Variants in ABCB9 observed in about 807,000 individuals in gnomAD.
ABCB9 encodes the protein ABC-type oligopeptide transporter ABCB9.
Under a neutral mutation model 62.0 loss-of-function variants are expected in ABCB9, and 36 were observed. The observed-to-expected ratio is 0.58, with a 90% CI of 0.45 to 0.77. The LOEUF (loss-of-function observed/expected upper bound fraction) is 0.77. Among genes scored for constraint, ABCB9 ranks in the 30% least tolerant of loss-of-function variants. The pLI is 0.00. For synonymous variants in ABCB9, 435 were observed against 461.4 expected (o/e 0.94, Z 0.73); for missense variants, 943 against 1,054.7 (o/e 0.89, Z 1.47).
At chr12:122,925,364 A>G (rs1218839486), downstream of ABCB9, among the ~76,000 whole-genome samples, 2 of 152,198 alleles carry the variant, frequency 1.3e-5, no homozygotes, top group Non-Finnish European at 2.9e-5. Flanking sequence ...GCAGTTCCTC[A>G]AAACGTTGAG....
Position 122,959,488 on chromosome 12 carries a change from G to T in ABCB9, c.601+147C>A. On this transcript the variant is annotated intron_variant, in intron 2 of 11. Transcript: ENST00000280560. This position sits in a 1 kb window ranked among gnomAD's most constrained non-coding sequence, Gnocchi z 5.4. ...AGCCTCCCAAAGTGCTGGGATTATA[G>T]ATATGAGCCACTATGCCTGGCCTCT... The T allele has an allele frequency of 7.5e-7, 1 of 1,342,058 alleles. No individual in the cohort carries two copies. The highest frequency in any genetic ancestry group is 1.0e-6 in the Non-Finnish European group (1 of 994,920). 83.1% of individuals were successfully genotyped at this position (1,342,058 alleles called of 1,614,324 possible).
In ABCB9 at chr12:122,959,794, C is replaced by A; in HGVS notation, c.442G>T (p.Glu148Ter). Residue 148 changes from glutamate to a stop codon, truncating the protein, a stop_gained, in exon 2 of 12, where the codon GAG becomes TAG. Transcript: ENST00000280560. LOFTEE classifies it high-confidence loss of function. This position sits in a 1 kb window ranked among gnomAD's most constrained non-coding sequence, Gnocchi z 5.4. ...TCAGCCTCGGTGGCCGCCCCTGGCT[C>A]CAGGGCCTGGGTGCCTGGCCGCACG... ...STVRPGTQAL[E>*]PGAATEAEGF... The A allele has an allele frequency of 1.2e-6, 2 of 1,612,146 alleles. No homozygotes were observed. The highest frequency in any genetic ancestry group is 1.7e-6 in the Non-Finnish European group (2 of 1,179,388).
In ABCB9 at chr12:122,957,028, G is replaced by C. The variant is rs547314293; in HGVS notation, c.601+2607C>G. 7.9e-5 allele frequency among the ~76,000 whole-genome samples: 12 copies of C among 151,336 alleles called. No homozygotes were observed. In the South Asian group the frequency reaches 2.3e-3, roughly 29 times the overall value. ...CATGACAAGCCAAGCTCTGTACTTA[G>C]TCCTTCTCCTATTTTTTTTTTTTTC... On this transcript the variant is annotated intron_variant, in intron 2 of 11. Transcript: ENST00000280560.
chr12:122,922,963 TTTC>T (rs149707768), intron 11 of ABCB9, among the ~76,000 whole-genome samples: 5,840 of 151,990 alleles, frequency 0.038, 353 homozygotes, highest in African/African-American at 0.13. Flanking sequence ...CTGGCTAATT[TTTC>T]TTCTTCTTTT....
intron 7 of ABCB9, among the ~76,000 whole-genome samples, chr12:122,942,731 G>A (rs1412304213): frequency 6.6e-6 from 1 of 152,054 alleles, no homozygotes; most frequent in African/African-American, 2.4e-5. Context: ...TTGAGTCCAG[G>A]AGGTCAAGGC....
Position 122,948,752 on chromosome 12 carries a change from G to A in ABCB9, c.925C>T (p.Arg309Trp), listed in dbSNP as rs1240549257. ...ACGCCCGTGACCTTGACTGTGTTCC[G>A]CAGGAAGACATTGATGTTCTGGGAG... Reference protein sequence around the residue: ...LVSQNINVFLRNTVKVTGVVV... With the variant: ...LVSQNINVFLWNTVKVTGVVV... Residue 309 changes from arginine (R) to tryptophan (W), a missense_variant, in exon 5 of 12, where the codon CGG (arginine) becomes TGG (tryptophan). Physicochemically the swap from Arg to Trp is moderately radical, Grantham distance 101. Coordinates refer to ENST00000280560, the MANE Select transcript of ABCB9 (RefSeq NM_019625.4). 5.6e-6 allele frequency: 9 copies of A among 1,612,316 alleles called. No individual in the cohort carries two copies. The highest frequency in any genetic ancestry group is 2.2e-5 in the South Asian group (2 of 90,982).
At position 122,940,672 on chromosome 12, in the gene ABCB9, C is replaced by CA; in HGVS notation, c.1569+134_1569+135insT. 8.9e-7 allele frequency: 1 copy of CA among 1,129,182 alleles called. No homozygotes were observed. 69.9% of individuals were successfully genotyped at this position (1,129,182 alleles called of 1,614,324 possible). On this transcript the variant is annotated intron_variant, in intron 8 of 11. Transcript: ENST00000280560. This position sits in a 1 kb window ranked among gnomAD's most constrained non-coding sequence, Gnocchi z 4.8. Reference sequence around the variant, plus strand: ...AAGTATCTGTCTTCCCCAACTGGAGCCCAAAACTCCTGGAGGGCAATGATC... The same window carrying CA: ...AAGTATCTGTCTTCCCCAACTGGAGCACCAAAACTCCTGGAGGGCAATGATC...
Position 122,940,328 on chromosome 12 carries a change from T to C in ABCB9, c.1570-44A>G. Reference sequence around the variant, plus strand: ...CACAGTGCGGGGTTATCGGCTCAGGTCCCAGGACTGGATGCCCTGACCTTG... The same window carrying C: ...CACAGTGCGGGGTTATCGGCTCAGGCCCCAGGACTGGATGCCCTGACCTTG... On this transcript the variant is annotated intron_variant, in intron 8 of 11. Transcript: ENST00000280560. The surrounding 1 kb of genome is among the most constrained non-coding windows in gnomAD (Gnocchi z 4.8). 6.6e-7 allele frequency: 1 copy of C among 1,519,006 alleles called. No individual in the cohort carries two copies. The highest frequency in any genetic ancestry group is 8.8e-7 in the Non-Finnish European group (1 of 1,131,434). 94.1% of individuals were successfully genotyped at this position (1,519,006 alleles called of 1,614,324 possible). A position where few individuals can be genotyped will look rare whatever the true frequency, so the allele number is the denominator to read the frequency against.
At chr12:122,924,756 G>T, downstream of ABCB9, 5 of 1,534,212 alleles carry the variant, frequency 3.3e-6, no homozygotes, top group Non-Finnish European at 4.4e-6. Context: ...CTGGCCAACT[G>T]TGCTGTTCCC....
Position 122,929,985 on chromosome 12 carries a change from G to A in ABCB9, c.2227C>T (p.Leu743=). The part of the protein sequence containing the change: ...LYAKLVQRQM[L]GLQPAADFTA... ...AAGTCTGCGGCGGGCTGAAGCCCCA[G>A]CATCTGCCGCTGCACCAGCTTGGCG... The change falls in exon 12 of 12, where the codon CTG becomes TTG. Residue 743 remains leucine (L), a synonymous_variant. Transcript: ENST00000280560. This position sits in a 1 kb window ranked among gnomAD's most constrained non-coding sequence, Gnocchi z 6.0. 6.3e-7 allele frequency: 1 copy of A among 1,576,732 alleles called. No homozygotes were observed.
chr12:122,962,457 C>T (rs890571448), intron 1 of ABCB9, among the ~76,000 whole-genome samples: 4 of 152,246 alleles, frequency 2.6e-5, no homozygotes, highest in Non-Finnish European at 4.4e-5. Context: ...CTCCCCGAAG[C>T]TCTGGCGCCC....
chr12:122,950,401 T>C (rs1566181426), intron 3 of ABCB9, 50 bp downstream of exon 3: 5 of 1,524,750 alleles, frequency 3.3e-6, no homozygotes, highest in Non-Finnish European at 4.5e-6. Context: ...CTTCCCTCCC[T>C]GGTGCAGGTC....
At chr12:122,921,128 T>A in intron 11 of ABCB9, 1 of 1,438,038 alleles carries the variant, frequency 7.0e-7, no homozygotes, top group Non-Finnish European at 9.4e-7. Context: ...CAATTTAAAA[T>A]GGTTGGCTGG....
intron 9 of ABCB9, among the ~76,000 whole-genome samples, chr12:122,937,671 C>A (rs1228769657): frequency 6.6e-6 from 1 of 152,224 alleles, no homozygotes; most frequent in Non-Finnish European, 1.5e-5. Flanking sequence ...TCACAACAAT[C>A]TACCTCTGGT....
chr12:122,924,835 T>G, downstream of ABCB9: 1 of 1,534,298 alleles, frequency 6.5e-7, no homozygotes, highest in Non-Finnish European at 8.7e-7. Context: ...AGGAGGACAG[T>G]GACATTTGCT....
upstream of ABCB9, chr12:122,966,512 AG>A (rs1273017800): frequency 1.6e-5 from 2 of 124,072 alleles, no homozygotes; most frequent in Non-Finnish European, 3.5e-5. Context: ...TCAGTGACGG[AG>A]GGGGCGGGGA....
chr12:122,973,609 A>AAAAAAAAAAC (rs762311490), intron 1 of ABCB9, among the ~76,000 whole-genome samples: 1 of 88,802 alleles, frequency 1.1e-5, no homozygotes, highest in Non-Finnish European at 2.3e-5. Flanking sequence ...AAAAAAAAAA[A>AAAAAAAAAAC]CAAAAACTTT....
At chr12:122,965,689 C>A (rs2037132343) in intron 1 of ABCB9, among the ~76,000 whole-genome samples, 1 of 151,906 alleles carries the variant, frequency 6.6e-6, no homozygotes, top group Admixed American at 6.5e-5. Flanking sequence ...GTCAGCCCAG[C>A]TTAAAGCTGT....
At chr12:122,945,972 A>G (rs948125244) in intron 6 of ABCB9, 53 bp downstream of exon 6, 17 of 1,585,774 alleles carry the variant, frequency 1.1e-5, no homozygotes, top group East Asian at 4.5e-5. Context: ...GGCTTCCCCC[A>G]TCTTTGCATC....
Sources: gnomAD v4.1 joint callset for allele counts (sites outside exome capture counted in the v4.1 genomes callset) on GRCh38, gnomAD v4.1.1 for gene constraint, Gnocchi (gnomAD v3.1) non-coding constraint, MANE v1.5 for transcripts, NCBI Gene and HGNC (gene_info 2026-07-23, HGNC 2026-07-21) for gene names.